The following SMG6 variants were observed in gnomAD, a reference collection of about 807,000 sequenced individuals.
SMG6 encodes the protein telomerase-binding protein EST1A.
In SMG6, 66 loss-of-function variants were observed where a neutral mutation model predicts 142.2. That is an observed-to-expected ratio of 0.46 (90% CI 0.38 to 0.57). SMG6 has a LOEUF of 0.57. Ranked by LOEUF, SMG6 falls within the 20% of genes least tolerant of loss-of-function variation. SMG6 has a pLI of 0.00. For synonymous variants in SMG6, 779 were observed against 702.4 expected, an observed-to-expected ratio of 1.11 and a Z score of -1.72; for missense variants, 1,793 against 1,832.0, an observed-to-expected ratio of 0.98 and a Z score of 0.39.
rs188713245 is a variant in SMG6, at chr17:2,067,250, A to C, written c.3835+1528T>G. On this transcript the variant is annotated intron_variant, in intron 16 of 18. Coordinates refer to ENST00000263073, the MANE Select transcript of SMG6 (RefSeq NM_017575.5). ...TTCCTTACTAAACCCTAAGCTCCTC[A>C]GGGCCAAGGGCTACAGCCTGCCTTT... 4.0e-4 allele frequency among the ~76,000 whole-genome samples: 61 copies of C among 152,280 alleles called. No homozygotes were observed. The East Asian group carries it at 9.7e-3, about 24-fold the overall frequency.
intron 13 of SMG6, among the ~76,000 whole-genome samples, chr17:2,089,262 G>A (rs1231022908): frequency 6.6e-6 from 1 of 152,160 alleles, no homozygotes; most frequent in Admixed American, 6.5e-5. Flanking sequence ...CTCCAGAGGA[G>A]AAAGAGCTGG....
chr17:2,065,256 TC>T (rs2067907478), intron 17 of SMG6, 102 bp from the exon 18 acceptor site: 1 of 1,076,386 alleles, frequency 9.3e-7, no homozygotes, highest in Non-Finnish European at 1.4e-6. Context: ...CAGGGCCACC[TC>T]CCCGATCCCT....
At chr17:2,288,521 C>G (rs1194390828) in intron 6 of SMG6, among the ~76,000 whole-genome samples, 2 of 150,946 alleles carry the variant, frequency 1.3e-5, no homozygotes, top group African/African-American at 4.9e-5. Context: ...ACTTGGGAGG[C>G]TGGGGTAGGA....
chr17:2,244,651 C>T lies in SMG6; in HGVS notation c.2723+7G>A. The T allele has an allele frequency of 1.2e-6, 2 of 1,605,340 alleles. No homozygotes were observed. The highest frequency in any genetic ancestry group is 8.5e-7 in the Non-Finnish European group (1 of 1,171,912). On this transcript the variant is annotated splice_region_variant and intron_variant, in intron 9 of 18. Transcript: ENST00000263073. ...AGGAAAATAAAATAAACATCCTGCA[C>T]ACTTACCCAATCCGGGTAAACAGCT...
chr17:2,265,539 G>A (rs965265433), intron 8 of SMG6, among the ~76,000 whole-genome samples: 1 of 151,702 alleles, frequency 6.6e-6, no homozygotes, highest in Non-Finnish European at 1.5e-5. Context: ...CTTAAAAGGC[G>A]ATAACATTCT....
chr17:2,181,883 C>T (rs945374199), intron 12 of SMG6, among the ~76,000 whole-genome samples: 3 of 152,196 alleles, frequency 2.0e-5, no homozygotes, highest in African/African-American at 4.8e-5. Flanking sequence ...CTTTCCATTT[C>T]CTCAGCCGAA....
chr17:2,215,048 T>C (rs959295584), intron 10 of SMG6, among the ~76,000 whole-genome samples: 1 of 152,208 alleles, frequency 6.6e-6, no homozygotes, highest in African/African-American at 2.4e-5. Context: ...CAAACTAAGC[T>C]GCCAGCTAGG....
At chr17:2,118,935 T>C (rs75468590) in intron 13 of SMG6, among the ~76,000 whole-genome samples, 1 of 151,138 alleles carries the variant, frequency 6.6e-6, no homozygotes, top group Non-Finnish European at 1.5e-5. Flanking sequence ...CTCGTTCTGT[T>C]GCCCAGGCTG....
intron 13 of SMG6, among the ~76,000 whole-genome samples, chr17:2,161,065 T>C (rs2071161706): frequency 1.3e-5 from 2 of 151,352 alleles, no homozygotes; most frequent in Non-Finnish European, 2.9e-5. Flanking sequence ...GGTAGGTAGG[T>C]AGGAAGGCTA....
At chr17:2,175,540 C>T (rs775458373) in intron 12 of SMG6, among the ~76,000 whole-genome samples, 5 of 152,244 alleles carry the variant, frequency 3.3e-5, no homozygotes, top group Admixed American at 1.3e-4. Context: ...CCAAAACTGA[C>T]TCCTCCCAGA....
At position 2,289,900 on chromosome 17, in the gene SMG6, A is replaced by G. The variant is rs189046811; in HGVS notation, c.2337+2652T>C. ...CGCTGCACTCCGGCCTGCGCAACAA[A>G]GCGAGGCTCCATCTCAAAAAAAAAT... is the stretch of plus-strand genomic sequence containing the variant. On this transcript the variant is annotated intron_variant, in intron 6 of 18. Transcript: ENST00000263073. Among the ~76,000 whole-genome samples, 1,351 of 150,456 alleles carry G rather than the reference A, an allele frequency of 9.0e-3. 10 individuals carry two copies. Among genetic ancestry groups the G allele is most frequent in the Middle Eastern group, 0.028 (8 of 282 alleles).
chr17:2,231,857 T>C (rs1275591282), intron 10 of SMG6, among the ~76,000 whole-genome samples: 1 of 152,144 alleles, frequency 6.6e-6, no homozygotes, highest in Non-Finnish European at 1.5e-5. Flanking sequence ...CCACCGGGGC[T>C]TCTCTGCAAA....
chr17:2,165,809 G>T (rs1001822924), intron 13 of SMG6, among the ~76,000 whole-genome samples: 2 of 152,132 alleles, frequency 1.3e-5, no homozygotes, highest in East Asian at 1.9e-4. Context: ...GGAGGCTGAG[G>T]GGGGAGGATC....
chr17:2,181,412 T>G lies in SMG6; in HGVS notation c.3155+5251A>C, dbSNP rs562440313. ...GATAGCAAAGCCTCTCTTTCATGCT[T>G]AAACTCGCATTCCAGAGATAACCAG... On this transcript the variant is annotated intron_variant, in intron 12 of 18. Transcript: ENST00000263073. Among the ~76,000 whole-genome samples, 7 of 152,296 alleles carry G rather than the reference T, an allele frequency of 4.6e-5. No homozygotes were observed. In the East Asian group the frequency reaches 1.4e-3, roughly 29 times the overall value.
At chr17:2,289,024 A>G (rs1488238647) in intron 6 of SMG6, among the ~76,000 whole-genome samples, 27 of 147,250 alleles carry the variant, frequency 1.8e-4, no homozygotes, top group Admixed American at 1.5e-3. Flanking sequence ...GCTCGCAGTG[A>G]GCCGAGATTG....
At chr17:2,142,486 G>GTCTA (rs1258365081) in intron 13 of SMG6, among the ~76,000 whole-genome samples, 5 of 151,150 alleles carry the variant, frequency 3.3e-5, no homozygotes, top group Non-Finnish European at 7.4e-5. Context: ...CTGTCTGTCT[G>GTCTA]TCTATCTATC....
intron 12 of SMG6, among the ~76,000 whole-genome samples, chr17:2,181,712 G>A (rs983049836): frequency 1.3e-5 from 2 of 152,218 alleles, no homozygotes; most frequent in Non-Finnish European, 2.9e-5. Context: ...AAGCCCAGCC[G>A]GGGATGGCTG....
chr17:2,298,735 A>G (rs550358356), intron 2 of SMG6, among the ~76,000 whole-genome samples, 171 bp downstream of exon 2: 1 of 151,734 alleles, frequency 6.6e-6, no homozygotes, highest in Non-Finnish European at 1.5e-5. Context: ...AAAAAAAAAA[A>G]GACTAGAAAT....
intron 8 of SMG6, among the ~76,000 whole-genome samples, chr17:2,271,722 A>G (rs1464923284): frequency 6.6e-6 from 1 of 152,156 alleles, no homozygotes; most frequent in Middle Eastern, 3.2e-3. Flanking sequence ...CTCAAAAAAA[A>G]TAAAAATAAA....
Sources: gnomAD v4.1 joint callset for allele counts (sites outside exome capture counted in the v4.1 genomes callset) on GRCh38, gnomAD v4.1.1 for gene constraint, MANE v1.5 for transcripts, NCBI Gene and HGNC (gene_info 2026-07-23, HGNC 2026-07-21) for gene names.